Variants in SLC39A10 observed in about 807,000 individuals in gnomAD.
SLC39A10 encodes zinc transporter ZIP10.
A neutral mutation model predicts 65.1 loss-of-function variants in SLC39A10; 13 were observed. The ratio of observed to expected loss-of-function variants is 0.20; its 90% confidence interval spans 0.13 to 0.32. The LOEUF (loss-of-function observed/expected upper bound fraction) is 0.32, where lower values mean the gene tolerates loss of function less well. Among genes scored for constraint, SLC39A10 ranks in the 10% least tolerant of loss-of-function variants. SLC39A10 has a pLI of 1.00. For missense variants in SLC39A10, 831 were observed against 1,018.4 expected, an observed-to-expected ratio of 0.82 and a Z score of 2.50; for synonymous variants, 321 against 342.2, an observed-to-expected ratio of 0.94 and a Z score of 0.68.
intron 8 of SLC39A10, among the ~76,000 whole-genome samples, chr2:195,722,608 A>G (rs1299007559): frequency 3.9e-5 from 6 of 152,230 alleles, no homozygotes; most frequent in African/African-American, 1.4e-4. Context: ...TCTTCCTCAG[A>G]ACTCCCAAGC....
intron 3 of SLC39A10, among the ~76,000 whole-genome samples, chr2:195,702,967 A>G (rs1691251108): frequency 6.6e-6 from 1 of 152,208 alleles, no homozygotes; most frequent in Admixed American, 6.5e-5. Context: ...ACCCTCTCCT[A>G]GACTAATAAA....
At chr2:195,665,462 C>T (rs1689599019) in intron 1 of SLC39A10, among the ~76,000 whole-genome samples, 1 of 152,192 alleles carries the variant, frequency 6.6e-6, no homozygotes, top group Non-Finnish European at 1.5e-5. Flanking sequence ...CAGTGGAAAC[C>T]TGCCTCAAAA....
At chr2:195,731,203 G>T (rs1405621683) in intron 9 of SLC39A10, among the ~76,000 whole-genome samples, 1 of 151,966 alleles carries the variant, frequency 6.6e-6, no homozygotes, top group Non-Finnish European at 1.5e-5. Flanking sequence ...CCACTCCCTT[G>T]TCCTCCTTAG....
rs112997420 is a variant in SLC39A10 at position 195,706,647 on chromosome 2, C to T, written c.1248C>T (p.Val416=). The part of the protein sequence containing the change: ...AWICGIISIT[V]ISLLSLLGVI... ...TTTGTGGTATCATTTCTATCACTGTCATTAGCCTGCTTTCCTTGCTAGGCG... is the reference window on the plus strand; with the variant it reads ...TTTGTGGTATCATTTCTATCACTGTTATTAGCCTGCTTTCCTTGCTAGGCG... The change falls in exon 4 of 10, where the codon GTC becomes GTT. Residue 416 remains valine, a synonymous_variant. Coordinates refer to ENST00000359634, the MANE Select transcript of SLC39A10 (RefSeq NM_020342.3). 9.9e-6 allele frequency: 16 copies of T among 1,612,318 alleles called. No homozygotes were observed. Among genetic ancestry groups the T allele is most frequent in the Non-Finnish European group, 1.4e-5 (16 of 1,179,210 alleles).
chr2:195,623,878 A>G (rs1688402245), intron 2 of SLC39A10, among the ~76,000 whole-genome samples: 1 of 148,300 alleles, frequency 6.7e-6, no homozygotes, highest in South Asian at 2.1e-4. Flanking sequence ...AAAAAATAAC[A>G]ATACAACCAA....
chr2:195,667,616 A>G (rs552635328), intron 1 of SLC39A10, among the ~76,000 whole-genome samples: 1 of 152,350 alleles, frequency 6.6e-6, no homozygotes, highest in African/African-American at 2.4e-5. Context: ...ACTACATCTA[A>G]TAATGGTAAT....
intron 3 of SLC39A10, among the ~76,000 whole-genome samples, chr2:195,699,301 T>G (rs1470760799): frequency 6.6e-6 from 1 of 151,988 alleles, no homozygotes; most frequent in East Asian, 1.9e-4. Flanking sequence ...TCTGGTCTAA[T>G]TTTTATTATA....
rs11440320 is a variant in SLC39A10 at position 195,669,074 on chromosome 2, G to GAAA, written c.-11-10943_-11-10941dup. Among the ~76,000 whole-genome samples the GAAA allele has an allele frequency of 2.1e-4, 28 of 135,032 alleles. No homozygotes were observed. In the East Asian group the frequency reaches 4.8e-3, roughly 23 times the overall value. The allele number at this position is 135,032 out of a possible 152,430, so 88.6% of individuals were successfully genotyped here. On this transcript the variant is annotated intron_variant, in intron 1 of 9. Transcript: ENST00000359634. ...TGGGCAACAGGGTGACTCCCTCTCAGAAAAAAAAAAAAAAAAATTACTAAG... is the reference window on the plus strand; with the variant it reads ...TGGGCAACAGGGTGACTCCCTCTCAGAAAAAAAAAAAAAAAAAAAATTACTAAG...
intron 3 of SLC39A10, among the ~76,000 whole-genome samples, chr2:195,687,334 G>T (rs1275995498): frequency 1.7e-5 from 2 of 114,872 alleles, no homozygotes; most frequent in African/African-American, 5.4e-5. Flanking sequence ...TATTTTGAAG[G>T]CTTCTGAAAA....
chr2:195,618,116 G>A (rs1688265932), intron 2 of SLC39A10, among the ~76,000 whole-genome samples: 1 of 152,104 alleles, frequency 6.6e-6, no homozygotes, highest in South Asian at 2.1e-4. Context: ...TTGGGAGGCT[G>A]AGGTGGGGTG....
At chr2:195,641,541 T>G (rs753300542) in intron 2 of SLC39A10, among the ~76,000 whole-genome samples, 1 of 152,214 alleles carries the variant, frequency 6.6e-6, no homozygotes, top group Non-Finnish European at 1.5e-5. Context: ...AAATTATTAA[T>G]GGGACTTTTT....
Position 195,737,671 on chromosome 2 carries a change from T to C in SLC39A10, c.*2630T>C. 2.8e-6 allele frequency: 1 copy of C among 359,822 alleles called. No individual in the cohort carries two copies. 22.3% of individuals were successfully genotyped at this position (359,822 alleles called of 1,614,324 possible). ...ATGTTCCTAATGCTTATGGAACTCC[T>C]CCAAAATAAAGTTACTCAAAGAGAG... On this transcript the variant is annotated 3_prime_UTR_variant, in exon 10 of 10. Transcript: ENST00000359634.
intron 2 of SLC39A10, among the ~76,000 whole-genome samples, chr2:195,682,421 T>C: frequency 6.6e-6 from 1 of 152,210 alleles, no homozygotes; most frequent in East Asian, 1.9e-4. Context: ...GATCTTAGTA[T>C]GATTTTAAAG....
At chr2:195,650,579 C>T (rs1275858760) in intron 2 of SLC39A10, among the ~76,000 whole-genome samples, 20 of 151,924 alleles carry the variant, frequency 1.3e-4, no homozygotes, top group Admixed American at 1.3e-3. Context: ...CAATACAAAC[C>T]CTTAAACTAA....
intron 2 of SLC39A10, among the ~76,000 whole-genome samples, chr2:195,638,922 A>G (rs544980422): frequency 1.1e-3 from 169 of 150,122 alleles, no homozygotes; most frequent in African/African-American, 4.0e-3. Flanking sequence ...CAGTTTCTCA[A>G]ATTTTTCTTG....
intron 8 of SLC39A10, among the ~76,000 whole-genome samples, chr2:195,725,966 G>A (rs1469439318): frequency 6.6e-6 from 1 of 152,166 alleles, no homozygotes; most frequent in Non-Finnish European, 1.5e-5. Context: ...AAAAATTTTG[G>A]AAGGGTAATG....
At chr2:195,624,871 G>A (rs1445694267) in intron 2 of SLC39A10, among the ~76,000 whole-genome samples, 5 of 118,152 alleles carry the variant, frequency 4.2e-5, no homozygotes, top group South Asian at 3.0e-4. Context: ...TGGGCGAAAA[G>A]AGAGAGACTC....
At chr2:195,650,262 A>C (rs1012162659) in intron 2 of SLC39A10, among the ~76,000 whole-genome samples, 4 of 149,574 alleles carry the variant, frequency 2.7e-5, no homozygotes, top group African/African-American at 9.9e-5. Context: ...AGCCTGGGCG[A>C]CAGAGATGGA....
intron 2 of SLC39A10, among the ~76,000 whole-genome samples, chr2:195,646,307 C>T (rs1305005729): frequency 6.6e-5 from 10 of 152,176 alleles, no homozygotes. Flanking sequence ...GCAATTCTAT[C>T]TTCTTGAAAC....
Sources: gnomAD v4.1 joint callset for allele counts (sites outside exome capture counted in the v4.1 genomes callset) on GRCh38, gnomAD v4.1.1 for gene constraint, MANE v1.5 for transcripts, NCBI Gene and HGNC (gene_info 2026-07-23, HGNC 2026-07-21) for gene names.